NHS: variants seen among roughly 807,000 people sequenced by gnomAD.
NHS encodes NHS actin remodeling regulator.
A neutral mutation model predicts 72.5 loss-of-function variants in NHS; 5 were observed. The ratio of observed to expected loss-of-function variants is 0.07; its 90% CI spans 0.04 to 0.14. NHS has a LOEUF of 0.14. Ranked by LOEUF, NHS falls within the 10% of genes least tolerant of loss-of-function variation. NHS has a pLI of 1.00. For missense variants in NHS, 1,072 were observed against 1,355.7 expected, an observed-to-expected ratio of 0.79 and a Z score of 3.29; for synonymous variants, 464 against 547.7, an observed-to-expected ratio of 0.85 and a Z score of 2.13.
rs768937795 is a variant in NHS at position 17,642,032 on chromosome X, G to A, written c.566-45710G>A. 2.0e-4 allele frequency among the ~76,000 whole-genome samples: 22 copies of A among 111,318 alleles called. No homozygotes were observed. The South Asian group carries it at 5.3e-3, about 27-fold the overall frequency. Reference sequence around the variant, plus strand: ...ACAATATCGGCTCACTGCAACCTCCGCCTCCTGGGTTCAAGCGATTCTCCT... The same window carrying A: ...ACAATATCGGCTCACTGCAACCTCCACCTCCTGGGTTCAAGCGATTCTCCT... On this transcript the variant is annotated intron_variant, in intron 1 of 8. Transcript: ENST00000676302.
At chrX:17,610,399 C>T (rs1418193325) in intron 1 of NHS, among the ~76,000 whole-genome samples, 11 of 112,272 alleles carry the variant, frequency 9.8e-5, no homozygotes, top group Non-Finnish European at 7.5e-5. Context: ...CAAAATAAAA[C>T]AAATATAATT....
intron 1 of NHS, among the ~76,000 whole-genome samples, chrX:17,463,197 A>C (rs1342982246): frequency 8.9e-6 from 1 of 111,973 alleles, no homozygotes; most frequent in Non-Finnish European, 1.9e-5. Context: ...TCATTACCAT[A>C]GGACAATGAA....
At chrX:17,604,910 C>A (rs1201951479) in intron 1 of NHS, among the ~76,000 whole-genome samples, 1 of 111,976 alleles carries the variant, frequency 8.9e-6, no homozygotes, top group African/African-American at 3.3e-5. Context: ...CCTCGGGTGT[C>A]TCACAACTGT....
chrX:17,463,843 G>T (rs1041704376), intron 1 of NHS, among the ~76,000 whole-genome samples: 2 of 112,173 alleles, frequency 1.8e-5, no homozygotes, highest in Non-Finnish European at 3.8e-5. Flanking sequence ...GGGATAAAAA[G>T]GGCCTGATCG....
chrX:17,449,734 G>A (rs1356221607), intron 1 of NHS, among the ~76,000 whole-genome samples: 3 of 112,355 alleles, frequency 2.7e-5, no homozygotes, highest in Admixed American at 9.4e-5. Context: ...GTTTAGAGAT[G>A]TAGATAGCTC....
At chrX:17,574,222 G>A (rs926370792) in intron 1 of NHS, among the ~76,000 whole-genome samples, 1 of 112,330 alleles carries the variant, frequency 8.9e-6, no homozygotes, top group Non-Finnish European at 1.9e-5. Flanking sequence ...GAGCTGTCAG[G>A]CAGGGACGTT....
intron 1 of NHS, among the ~76,000 whole-genome samples, chrX:17,408,200 T>TTTGCCATGTTGCCATG (rs1179114271): frequency 9.1e-6 from 1 of 110,290 alleles, no homozygotes; most frequent in Non-Finnish European, 1.9e-5. Context: ...GAGATGGGGT[T>TTTGCCATGTTGCCATG]TTGCCATGTT....
intron 1 of NHS, among the ~76,000 whole-genome samples, chrX:17,386,602 G>T (rs376338383): frequency 2.1e-4 from 22 of 102,569 alleles, no homozygotes; most frequent in African/African-American, 7.8e-4. Context: ...GGCGGAGGTT[G>T]CAGTGAGCCG....
intron 1 of NHS, among the ~76,000 whole-genome samples, chrX:17,429,823 A>G (rs1406382914): frequency 9.0e-6 from 1 of 111,481 alleles, no homozygotes; most frequent in Non-Finnish European, 1.9e-5. Flanking sequence ...CATGTGGATC[A>G]TTTTGGGTGT....
At chrX:17,527,130 C>G (rs1455937421) in intron 1 of NHS, among the ~76,000 whole-genome samples, 2 of 112,653 alleles carry the variant, frequency 1.8e-5, no homozygotes, top group African/African-American at 6.5e-5. Context: ...AAGGTAAGGT[C>G]AGAGCTTGCC....
chrX:17,486,786 A>G (rs1432903421), intron 1 of NHS, among the ~76,000 whole-genome samples: 1 of 111,893 alleles, frequency 8.9e-6, no homozygotes, highest in Non-Finnish European at 1.9e-5. Context: ...CAAACTACCT[A>G]CCATTTATTG....
intron 1 of NHS, among the ~76,000 whole-genome samples, chrX:17,649,573 G>A (rs1349330206): frequency 9.1e-6 from 1 of 110,184 alleles, no homozygotes; most frequent in Non-Finnish European, 1.9e-5. Flanking sequence ...GAATGATAAT[G>A]GTTTTATTTA....
intron 1 of NHS, among the ~76,000 whole-genome samples, chrX:17,426,932 A>G (rs1213794867): frequency 2.7e-5 from 3 of 111,780 alleles, no homozygotes; most frequent in African/African-American, 9.8e-5. Context: ...CCAAGGACCC[A>G]GAATTATTGA....
intron 1 of NHS, among the ~76,000 whole-genome samples, chrX:17,502,788 C>CAA (rs759665461): frequency 8.5e-4 from 6 of 7,067 alleles, no homozygotes; most frequent in Admixed American, 2.4e-3. Context: ...GACTCCGTCT[C>CAA]AAAAAAAAAA....
At chrX:17,491,100 A>G (rs1017258305) in intron 1 of NHS, among the ~76,000 whole-genome samples, 15 of 111,763 alleles carry the variant, frequency 1.3e-4, no homozygotes, top group African/African-American at 4.9e-4. Context: ...CTCTCTTTCT[A>G]TTTGAATATC....
intron 3 of NHS, among the ~76,000 whole-genome samples, chrX:17,712,921 A>G (rs930066116): frequency 1.7e-4 from 19 of 111,737 alleles, no homozygotes; most frequent in Non-Finnish European, 2.1e-4. Flanking sequence ...CAGAGAAAGC[A>G]TAGGATGTGC....
chrX:17,591,324 G>C (rs1228672861), intron 1 of NHS, among the ~76,000 whole-genome samples: 1 of 111,684 alleles, frequency 9.0e-6, no homozygotes, highest in African/African-American at 3.3e-5. Flanking sequence ...GGCACCCCTG[G>C]TTGGATGCAG....
At chrX:17,637,597 G>A (rs2065857561) in intron 1 of NHS, among the ~76,000 whole-genome samples, 1 of 111,931 alleles carries the variant, frequency 8.9e-6, no homozygotes, top group Non-Finnish European at 1.9e-5. Flanking sequence ...ACTGCATTCA[G>A]CACAATAAAA....
chrX:17,453,477 T>C (rs1431553336), intron 1 of NHS, among the ~76,000 whole-genome samples: 1 of 111,983 alleles, frequency 8.9e-6, no homozygotes, highest in Non-Finnish European at 1.9e-5. Context: ...GTGGTTCCTA[T>C]AGAGATCTCA....
Sources: gnomAD v4.1 joint callset for allele counts (sites outside exome capture counted in the v4.1 genomes callset) on GRCh38, gnomAD v4.1.1 for gene constraint, MANE v1.5 for transcripts, NCBI Gene and HGNC (gene_info 2026-07-23, HGNC 2026-07-21) for gene names.